SLC45A3: variants seen among roughly 807,000 people sequenced by gnomAD.
SLC45A3 encodes prostate cancer associated protein 2.
Under a neutral mutation model 35.3 loss-of-function variants are expected in SLC45A3, and 17 were observed. That is an observed-to-expected ratio of 0.48 (90% confidence interval 0.33 to 0.72). SLC45A3 has a LOEUF of 0.72. Among genes scored for constraint, SLC45A3 ranks in the 30% least tolerant of loss-of-function variants. The pLI, the probability that SLC45A3 is intolerant of heterozygous loss-of-function variation, is 0.02. For synonymous variants in SLC45A3, 288 were observed against 334.3 expected (o/e 0.86, Z 1.51); for missense variants, 597 against 731.7 (o/e 0.82, Z 2.12).
In SLC45A3 at chr1:205,663,330, G is replaced by C; in HGVS notation, c.461C>G (p.Pro154Arg). ...EALLSDLFRD[P>R]DHCRQAYSVY... is the part of the protein sequence containing the mutation. ...AGAGTAGGCCTGGCGACAGTGGTCC[G>C]GGTCCCGGAAGAGGTCAGAGAGCAG... Residue 154 changes from proline to arginine, a missense_variant, in exon 3 of 5, where the codon CCG (proline) becomes CGG (arginine). This residue lies in a region of SLC45A3 where 555 missense variants were observed against 664.9 expected (regional missense o/e 0.83). Coordinates refer to ENST00000367145, the MANE Select transcript of SLC45A3 (RefSeq NM_033102.3). 1.9e-6 allele frequency: 3 copies of C among 1,613,384 alleles called. No homozygotes were observed. Among genetic ancestry groups the C allele is most frequent in the Non-Finnish European group, 2.5e-6 (3 of 1,180,032 alleles).
At position 205,663,117 on chromosome 1, in the gene SLC45A3, G is replaced by T. The variant is rs775525434; in HGVS notation, c.674C>A (p.Pro225His). The change falls in exon 3 of 5, where the codon CCC becomes CAC. Residue 225 changes from proline to histidine, a missense_variant. Physicochemically the swap from Pro to His is moderately conservative, Grantham distance 77. Transcript: ENST00000367145. ...LLVAEEAALG[P>H]TEPAEGLSAP... ...CGACAGCCCTTCTGCTGGCTCGGTG[G>T]GGCCCAGCGCTGCCTCCTCAGCCAC... is the stretch of plus-strand genomic sequence containing the variant. 1.9e-6 allele frequency: 3 copies of T among 1,581,562 alleles called. No individual in the cohort carries two copies. Among genetic ancestry groups the T allele is most frequent in the East Asian group, 2.7e-5 (1 of 37,200 alleles).
intron 1 of SLC45A3, among the ~76,000 whole-genome samples, chr1:205,674,098 G>A (rs1343761345): frequency 2.0e-5 from 3 of 152,126 alleles, no homozygotes; most frequent in Non-Finnish European, 4.4e-5. Flanking sequence ...CCACGTGAGG[G>A]GGTGGGACCC....
At chr1:205,678,941 C>T (rs1199924420) in intron 1 of SLC45A3, among the ~76,000 whole-genome samples, 1 of 152,146 alleles carries the variant, frequency 6.6e-6, no homozygotes, top group Non-Finnish European at 1.5e-5. Context: ...GCCTCCTGGG[C>T]CCTCCCACTC....
rs960355244 is a variant in SLC45A3 at position 205,659,579 on chromosome 1, A to G, written c.1317T>C (p.Ala439=). 1.2e-5 allele frequency: 19 copies of G among 1,591,050 alleles called. No individual in the cohort carries two copies. The East Asian group carries it at 4.0e-4, about 34-fold the overall frequency. Residue 439 remains alanine, a synonymous_variant, in exon 5 of 5, where the codon GCT becomes GCC. Transcript: ENST00000367145. The surrounding 1 kb of genome is among the most constrained non-coding windows in gnomAD (Gnocchi z 5.8). The part of the protein sequence containing the change: ...TSFLPGPKPG[A]PFPNGHVGAG... ...CACCCACGTGTCCATTAGGGAAGGG[A>G]GCTCCAGGCTTAGGGCCTGGCAGGA...
At chr1:205,679,980 A>G (rs899685839) in intron 1 of SLC45A3, among the ~76,000 whole-genome samples, 8 of 151,560 alleles carry the variant, frequency 5.3e-5, no homozygotes, top group Middle Eastern at 3.4e-3. Flanking sequence ...TTCCAAAGAA[A>G]AGTCTGACAC....
At chr1:205,667,420 T>C (rs1030771667) in intron 1 of SLC45A3, among the ~76,000 whole-genome samples, 13 of 152,138 alleles carry the variant, frequency 8.5e-5, no homozygotes, top group African/African-American at 3.1e-4. Context: ...AGGAGGAGAA[T>C]TGCTTGAACC....
chr1:205,663,433 G>C lies in SLC45A3; in HGVS notation c.358C>G (p.Leu120Val). The C allele has an allele frequency of 1.9e-6, 3 of 1,612,854 alleles. No homozygotes were observed. Among genetic ancestry groups the C allele is most frequent in the Non-Finnish European group, 2.5e-6 (3 of 1,179,792 alleles). ...AGLLCPDPRP[L>V]ELALLILGVG... The stretch of plus-strand genomic sequence containing the variant: ...CCCAGGATGAGCAGTGCCAGCTCCA[G>C]GGGCCTGGGATCCGGGCACAGCAGC... Residue 120 changes from leucine to valine, a missense_variant, in exon 3 of 5, where the codon CTG becomes GTG. Coordinates refer to ENST00000367145, the MANE Select transcript of SLC45A3 (RefSeq NM_033102.3).
rs368219666 is a variant in SLC45A3, at chr1:205,662,089, G to A, written c.996C>T (p.Cys332=). 6.4e-5 allele frequency: 103 copies of A among 1,613,990 alleles called. No individual in the cohort carries two copies. The highest frequency in any genetic ancestry group is 1.3e-4 in the Admixed American group (8 of 59,996). Residue 332 remains cysteine (C), a synonymous_variant, in exon 4 of 5, where the codon TGC becomes TGT. Coordinates refer to ENST00000367145, the MANE Select transcript of SLC45A3 (RefSeq NM_033102.3). This position sits in a 1 kb window ranked among gnomAD's most constrained non-coding sequence, Gnocchi z 6.2. ...CCAGAGAGAAGACCAGGGAGATGGC[G>A]CACTGCAGGAACAGCCCCAGGCTGC... ...RMGSLGLFLQ[C]AISLVFSLVM... is the part of the protein sequence containing the mutation.
In SLC45A3 at chr1:205,658,998, C is replaced by A; in HGVS notation, c.*236G>T. 1 of 543,230 alleles carries A rather than the reference C, an allele frequency of 1.8e-6. No individual in the cohort carries two copies. Among genetic ancestry groups the A allele is most frequent in the Non-Finnish European group, 3.3e-6 (1 of 305,518 alleles). 33.7% of individuals were successfully genotyped at this position (543,230 alleles called of 1,614,324 possible). ...CTCCCTGTATAAGTCCAGACTGAAA[C>A]CCCCTTGGAAGGCCTCCAGTCAGGC... On this transcript the variant is annotated 3_prime_UTR_variant, in exon 5 of 5. Coordinates refer to ENST00000367145, the MANE Select transcript of SLC45A3 (RefSeq NM_033102.3).
chr1:205,661,531 G>A (rs1460625750), intron 4 of SLC45A3, among the ~76,000 whole-genome samples: 1 of 152,080 alleles, frequency 6.6e-6, no homozygotes, highest in Non-Finnish European at 1.5e-5. Flanking sequence ...ATCTGATTCA[G>A]CGCCCTGCCT....
At chr1:205,677,392 T>C (rs1292185388) in intron 1 of SLC45A3, among the ~76,000 whole-genome samples, 3 of 152,224 alleles carry the variant, frequency 2.0e-5, no homozygotes, top group African/African-American at 7.2e-5. Flanking sequence ...ATTGGCTCCA[T>C]TGTCACCAAA....
intron 1 of SLC45A3, among the ~76,000 whole-genome samples, chr1:205,675,985 G>A (rs1671307809): frequency 2.0e-5 from 3 of 152,202 alleles, no homozygotes; most frequent in Non-Finnish European, 4.4e-5. Context: ...AAAGCAGGAA[G>A]CACAGGCCCT....
rs201939394 is a variant in SLC45A3 at position 205,659,196 on chromosome 1, G to A, written c.*38C>T. On this transcript the variant is annotated 3_prime_UTR_variant, in exon 5 of 5. Transcript: ENST00000367145. This position sits in a 1 kb window ranked among gnomAD's most constrained non-coding sequence, Gnocchi z 5.8. ...AACAGGAGCGGGGAGCTGGGACCCAGTGAGGCAGGCCCTCCACCCCAATGT... is the reference window on the plus strand; with the variant it reads ...AACAGGAGCGGGGAGCTGGGACCCAATGAGGCAGGCCCTCCACCCCAATGT... The A allele has an allele frequency of 1.3e-5, 20 of 1,563,656 alleles. No individual in the cohort carries two copies. In the Admixed American group the frequency reaches 2.3e-4, roughly 18 times the overall value.
chr1:205,659,603 G>A lies in SLC45A3; in HGVS notation c.1293C>T (p.Phe431=), dbSNP rs1468013978. ...ASSEDSLMTS[F]LPGPKPGAPF... ...GAGCTCCAGGCTTAGGGCCTGGCAG[G>A]AAGCTGGTCATCAGGCTGTCCTCAC... is the stretch of plus-strand genomic sequence containing the variant. The change falls in exon 5 of 5, where the codon TTC becomes TTT. Residue 431 remains phenylalanine (F), a synonymous_variant. Coordinates refer to ENST00000367145, the MANE Select transcript of SLC45A3 (RefSeq NM_033102.3). The surrounding 1 kb of genome is among the most constrained non-coding windows in gnomAD (Gnocchi z 5.8). 6.4e-7 allele frequency: 1 copy of A among 1,561,796 alleles called. No homozygotes were observed. The highest frequency in any genetic ancestry group is 1.4e-5 in the African/African-American group (1 of 73,346).
chr1:205,669,207 G>A lies in SLC45A3; in HGVS notation c.-230-4321C>T, dbSNP rs1435285327. ...GAGCAGCTCCTATGGGCTCAAAGGTGGTGAGTGGCTCAGATAAACCCTCCT... is the reference window on the plus strand; with the variant it reads ...GAGCAGCTCCTATGGGCTCAAAGGTAGTGAGTGGCTCAGATAAACCCTCCT... On this transcript the variant is annotated intron_variant, in intron 1 of 4. Transcript: ENST00000367145. This position sits in a 1 kb window ranked among gnomAD's most constrained non-coding sequence, Gnocchi z 4.1. Among the ~76,000 whole-genome samples the A allele has an allele frequency of 3.9e-5, 6 of 152,192 alleles. No individual in the cohort carries two copies. The highest frequency in any genetic ancestry group is 2.9e-5 in the Non-Finnish European group (2 of 68,032).
rs551342310 is a variant in SLC45A3 at position 205,670,971 on chromosome 1, C to T, written c.-230-6085G>A. Among the ~76,000 whole-genome samples, 8 of 152,310 alleles carry T rather than the reference C, an allele frequency of 5.3e-5. No individual in the cohort carries two copies. The South Asian group carries it at 1.4e-3, about 28-fold the overall frequency. The stretch of plus-strand genomic sequence containing the variant: ...GTGAAAACCCAACAGGTGGCTGTGG[C>T]GCGGTGGAGAGTGGCTTTTGTTGCC... On this transcript the variant is annotated intron_variant, in intron 1 of 4. Coordinates refer to ENST00000367145, the MANE Select transcript of SLC45A3 (RefSeq NM_033102.3).
chr1:205,659,735 C>T lies in SLC45A3; in HGVS notation c.1225-64G>A. On this transcript the variant is annotated intron_variant, in intron 4 of 4. Transcript: ENST00000367145. The surrounding 1 kb of genome is among the most constrained non-coding windows in gnomAD (Gnocchi z 5.8). ...TGTGTACCCAGCACTGGCACCACCC[C>T]AGCTGTGAGAACAGACCCTTGCCTC... The T allele has an allele frequency of 6.9e-7, 1 of 1,447,812 alleles. No individual in the cohort carries two copies. The highest frequency in any genetic ancestry group is 1.5e-5 in the South Asian group (1 of 68,816). The allele number at this position is 1,447,812 out of a possible 1,614,324, so 89.7% of individuals were successfully genotyped here. A position where few individuals can be genotyped will look rare whatever the true frequency, so the allele number is the denominator to read the frequency against.
chr1:205,663,118 G>A lies in SLC45A3; in HGVS notation c.673C>T (p.Pro225Ser). The change falls in exon 3 of 5, where the codon CCC becomes TCC. Residue 225 changes from proline (P) to serine (S), a missense_variant. Around this residue, in one of 3 missense-constraint regions of SLC45A3, gnomAD observed 555 missense variants for 664.9 expected, o/e 0.83. Transcript: ENST00000367145. ...GACAGCCCTTCTGCTGGCTCGGTGGGGCCCAGCGCTGCCTCCTCAGCCACC... is the reference window on the plus strand; with the variant it reads ...GACAGCCCTTCTGCTGGCTCGGTGGAGCCCAGCGCTGCCTCCTCAGCCACC... ...LLVAEEAALG[P>S]TEPAEGLSAP... is the part of the protein sequence containing the mutation. 6.3e-7 allele frequency: 1 copy of A among 1,582,130 alleles called. No homozygotes were observed. The highest frequency in any genetic ancestry group is 8.5e-7 in the Non-Finnish European group (1 of 1,171,618).
At position 205,658,887 on chromosome 1, in the gene SLC45A3, C is replaced by T. The variant is rs1483833809; in HGVS notation, c.*347G>A. On this transcript the variant is annotated 3_prime_UTR_variant, in exon 5 of 5. Transcript: ENST00000367145. ...CCCAAAAACCCTTCTCTAGGTGTGT[C>T]TCAACTAGGAGGCTAGCTGTTAACC... is the stretch of plus-strand genomic sequence containing the variant. The T allele has an allele frequency of 1.7e-5, 5 of 300,868 alleles. No individual in the cohort carries two copies. The highest frequency in any genetic ancestry group is 9.1e-5 in the Admixed American group (2 of 21,958). The allele number at this position is 300,868 out of a possible 1,614,324, so 18.6% of individuals were successfully genotyped here.
Sources: allele counts gnomAD v4.1 joint callset (sites outside exome capture counted in the v4.1 genomes callset), GRCh38; gene constraint gnomAD v4.1.1; regional missense constraint gnomAD v4.1.1; non-coding constraint Gnocchi (gnomAD v3.1); transcripts MANE v1.5; gene names NCBI Gene and HGNC (gene_info 2026-07-23, HGNC 2026-07-21).